Variants in FLACC1 observed in about 807,000 individuals in gnomAD.
The protein encoded by FLACC1 is flagellum associated containing coiled-coil domains 1.
A neutral mutation model predicts 62.8 loss-of-function variants in FLACC1; 66 were observed. That is an observed-to-expected ratio of 1.05 (90% CI 0.86 to 1.29). The LOEUF is 1.29. Ranked by LOEUF, FLACC1 falls within the 50% of genes most tolerant of loss-of-function variation. FLACC1 has a pLI of 0.00. For missense variants in FLACC1, 452 were observed against 489.1 expected (o/e 0.92, Z 0.71); for synonymous variants, 156 against 161.0 (o/e 0.97, Z 0.24).
intron 12 of FLACC1, among the ~76,000 whole-genome samples, chr2:201,295,376 T>A (rs151056255): frequency 1.3e-5 from 2 of 152,182 alleles, no homozygotes; most frequent in Non-Finnish European, 2.9e-5. Flanking sequence ...CACTATCTGA[T>A]CTTTGACAAA....
chr2:201,314,265 G>C (rs1464736586), intron 9 of FLACC1, among the ~76,000 whole-genome samples: 1 of 151,274 alleles, frequency 6.6e-6, no homozygotes, highest in African/African-American at 2.4e-5. Flanking sequence ...ACAGAGAAAG[G>C]CAAAGCCCAA....
At chr2:201,328,502 T>C (rs1481709268) in intron 9 of FLACC1, among the ~76,000 whole-genome samples, 1 of 152,230 alleles carries the variant, frequency 6.6e-6, no homozygotes, top group Non-Finnish European at 1.5e-5. Flanking sequence ...CTCGGCTCAC[T>C]GCAACCTCTG....
chr2:201,292,458 T>TTA (rs1482435169), intron 12 of FLACC1, among the ~76,000 whole-genome samples: 1 of 152,120 alleles, frequency 6.6e-6, no homozygotes, highest in Non-Finnish European at 1.5e-5. Context: ...ATAAAATACT[T>TTA]TACAGACAAG....
In FLACC1 at chr2:201,309,314, G is replaced by A. The variant is rs1407420667; in HGVS notation, c.676-64C>T. 5 of 1,262,340 alleles carry A rather than the reference G, an allele frequency of 4.0e-6. No individual in the cohort carries two copies. In the Admixed American group the frequency reaches 6.9e-5, roughly 17 times the overall value. The allele number at this position is 1,262,340 out of a possible 1,614,324, so 78.2% of individuals were successfully genotyped here. On this transcript the variant is annotated intron_variant, in intron 9 of 14. Coordinates refer to ENST00000392257, the MANE Select transcript of FLACC1 (RefSeq NM_001127391.3). ...AAAATGAAGGTGACCTGGAGAGGCT[G>A]TAAAACTCAACTCAGGGAGGACTCC...
At chr2:201,296,117 A>G (rs1949855279) in intron 12 of FLACC1, among the ~76,000 whole-genome samples, 2 of 152,160 alleles carry the variant, frequency 1.3e-5, no homozygotes, top group Admixed American at 6.5e-5. Flanking sequence ...TTCCTCAGGG[A>G]TCTAGAACTA....
chr2:201,308,508 G>A (rs1012932757), intron 10 of FLACC1, among the ~76,000 whole-genome samples: 4 of 152,236 alleles, frequency 2.6e-5, no homozygotes, highest in South Asian at 2.1e-4. Context: ...CGTGGAATGC[G>A]GAATAGGTCT....
intron 9 of FLACC1, among the ~76,000 whole-genome samples, chr2:201,317,809 C>G (rs951344245): frequency 1.3e-5 from 2 of 152,050 alleles, no homozygotes; most frequent in African/African-American, 2.4e-5. Context: ...AAAAACCTAA[C>G]AAATCTGGAG....
intron 7 of FLACC1, among the ~76,000 whole-genome samples, chr2:201,337,336 G>A (rs1176541963): frequency 2.6e-5 from 4 of 152,050 alleles, no homozygotes; most frequent in Non-Finnish European, 5.9e-5. Flanking sequence ...TAGGGGTCTA[G>A]TTTCACCCTT....
At chr2:201,327,544 A>G (rs768909211) in intron 9 of FLACC1, among the ~76,000 whole-genome samples, 40 of 152,312 alleles carry the variant, frequency 2.6e-4, no homozygotes, top group Admixed American at 6.5e-4. Context: ...ACAAATGGCC[A>G]ACAAACATGA....
intron 11 of FLACC1, among the ~76,000 whole-genome samples, chr2:201,300,647 G>A (rs1044212261): frequency 1.3e-5 from 2 of 152,096 alleles, no homozygotes; most frequent in African/African-American, 4.8e-5. Flanking sequence ...CCTGACCCCC[G>A]AGAAGCCTAA....
At position 201,307,697 on chromosome 2, in the gene FLACC1, TA is replaced by T; in HGVS notation, c.776-76del. ...GGTGCAATGAGAAACCCAGAATATC[TA>T]AAGATAAAAGCAATTCCAGACTGTG... On this transcript the variant is annotated intron_variant, in intron 10 of 14. Transcript: ENST00000392257. 8 of 1,106,804 alleles carry T rather than the reference TA, an allele frequency of 7.2e-6. No individual in the cohort carries two copies. In the Middle Eastern group the frequency reaches 1.8e-3, roughly 246 times the overall value. The allele number at this position is 1,106,804 out of a possible 1,614,324, so 68.6% of individuals were successfully genotyped here.
chr2:201,353,187 C>T (rs1238420177), intron 1 of FLACC1, among the ~76,000 whole-genome samples: 2 of 152,086 alleles, frequency 1.3e-5, no homozygotes, highest in Non-Finnish European at 2.9e-5. Context: ...GCAATTACTC[C>T]AGGTTAAAAA....
intron 10 of FLACC1, 27 bp downstream of exon 10, chr2:201,309,124 C>A (rs774682492): frequency 5.7e-6 from 9 of 1,588,748 alleles, no homozygotes; most frequent in East Asian, 4.5e-5. Context: ...CACTTGTCAT[C>A]AAAAAAGCTA....
At chr2:201,352,751 G>A (rs1951051956) in intron 1 of FLACC1, among the ~76,000 whole-genome samples, 1 of 152,168 alleles carries the variant, frequency 6.6e-6, no homozygotes, top group Admixed American at 6.5e-5. Flanking sequence ...TATACCGCAT[G>A]TCCTAATCCC....
At chr2:201,360,238 G>T (rs1951174377), upstream of FLACC1, among the ~76,000 whole-genome samples, 1 of 152,198 alleles carries the variant, frequency 6.6e-6, no homozygotes, top group Admixed American at 6.5e-5. Context: ...TTCGCCTAAA[G>T]CAAAGTGTCT....
intron 7 of FLACC1, among the ~76,000 whole-genome samples, chr2:201,337,694 T>C (rs1359229684): frequency 6.6e-6 from 1 of 152,146 alleles, no homozygotes; most frequent in Admixed American, 6.5e-5. Flanking sequence ...TGGCTAATTT[T>C]TAATCTTTTG....
chr2:201,300,002 C>T (rs1264697679), intron 11 of FLACC1, among the ~76,000 whole-genome samples: 1 of 152,190 alleles, frequency 6.6e-6, no homozygotes, highest in Non-Finnish European at 1.5e-5. Flanking sequence ...ATGAGTGATG[C>T]AGAAGACAGG....
At chr2:201,332,285 G>A (rs1256458551) in intron 7 of FLACC1, among the ~76,000 whole-genome samples, 1 of 150,678 alleles carries the variant, frequency 6.6e-6, no homozygotes, top group Non-Finnish European at 1.5e-5. Flanking sequence ...CTCTGGCTCT[G>A]TCCCCCAGGC....
intron 7 of FLACC1, among the ~76,000 whole-genome samples, chr2:201,341,687 G>C (rs1203965551): frequency 2.0e-5 from 3 of 151,888 alleles, no homozygotes; most frequent in Non-Finnish European, 4.4e-5. Context: ...AACTCATTTA[G>C]CAACAGTTCT....
Sources: gnomAD v4.1 joint callset for allele counts (sites outside exome capture counted in the v4.1 genomes callset) on GRCh38, gnomAD v4.1.1 for gene constraint, MANE v1.5 for transcripts, NCBI Gene and HGNC (gene_info 2026-07-23, HGNC 2026-07-21) for gene names.